AMOT: variants seen among roughly 807,000 people sequenced by gnomAD.
The protein encoded by AMOT is angiomotin.
AMOT carries 11 observed loss-of-function variants against 67.0 expected under a neutral mutation model. That is an observed-to-expected ratio of 0.16 (90% confidence interval 0.10 to 0.27). AMOT has a LOEUF of 0.27. Among genes scored for constraint, AMOT ranks in the 10% least tolerant of loss-of-function variants. The pLI, the probability that AMOT is intolerant of heterozygous loss-of-function variation, is 1.00. For synonymous variants in AMOT, 326 were observed against 321.4 expected, an observed-to-expected ratio of 1.01 and a Z score of -0.15; for missense variants, 753 against 852.0, an observed-to-expected ratio of 0.88 and a Z score of 1.45.
intron 10 of AMOT, among the ~76,000 whole-genome samples, chrX:112,788,012 G>A (rs1056134642): frequency 1.3e-4 from 14 of 111,324 alleles, no homozygotes; most frequent in African/African-American, 4.3e-4. Context: ...TTTTGAGGGC[G>A]GGCGTGGTGG....
chrX:112,792,250 T>C (rs1324155884), intron 8 of AMOT, among the ~76,000 whole-genome samples: 1 of 112,485 alleles, frequency 8.9e-6, no homozygotes, highest in African/African-American at 3.2e-5. Context: ...TCTACTCTTA[T>C]CAGTACCATC....
At chrX:112,788,339 C>A (rs138972778) in intron 10 of AMOT, among the ~76,000 whole-genome samples, 1 of 109,308 alleles carries the variant, frequency 9.1e-6, no homozygotes, top group African/African-American at 3.3e-5. Context: ...AAACTTTTAC[C>A]ATGGAAAGGG....
intron 10 of AMOT, among the ~76,000 whole-genome samples, chrX:112,786,811 A>G (rs1933375562): frequency 8.9e-6 from 1 of 112,502 alleles, no homozygotes; most frequent in Non-Finnish European, 1.9e-5. Flanking sequence ...AATGAAAGAA[A>G]TAAATTTCCT....
At chrX:112,796,032 T>TAAA (rs1933801008) in intron 8 of AMOT, among the ~76,000 whole-genome samples, 2 of 97,336 alleles carry the variant, frequency 2.1e-5, no homozygotes, top group African/African-American at 9.7e-5. Flanking sequence ...TTTCAGAAGT[T>TAAA]TAAAAAAAAA....
chrX:112,816,014 A>G (rs767376293), intron 4 of AMOT, 137 bp from the exon 5 acceptor site: 13 of 921,513 alleles, frequency 1.4e-5, no homozygotes, highest in Non-Finnish European at 1.7e-5. Flanking sequence ...GGGTCTGACT[A>G]TGGGGAAGTC....
intron 1 of AMOT, among the ~76,000 whole-genome samples, chrX:112,837,770 CA>C (rs1209346649): frequency 1.8e-5 from 2 of 111,815 alleles, no homozygotes; most frequent in Non-Finnish European, 3.8e-5. Flanking sequence ...CATAGTAAAA[CA>C]CCAACAAAAA....
At chrX:112,821,305 G>A (rs1220545995) in intron 4 of AMOT, among the ~76,000 whole-genome samples, 1 of 111,360 alleles carries the variant, frequency 9.0e-6, no homozygotes, top group African/African-American at 3.3e-5. Flanking sequence ...TCATGGCCAT[G>A]AGGCAGGATA....
At position 112,777,153 on chromosome X, in the gene AMOT, T is replaced by C. The variant is rs1932960670; in HGVS notation, c.*1414A>G. 9.3e-6 allele frequency: 1 copy of C among 107,058 alleles called. No homozygotes were observed. Among genetic ancestry groups the C allele is most frequent in the African/African-American group, 3.4e-5 (1 of 29,270 alleles). The allele number at this position is 107,058 out of a possible 1,213,427, so 8.8% of individuals were successfully genotyped here. A position where few individuals can be genotyped will look rare whatever the true frequency, so the allele number is the denominator to read the frequency against. ...CAACCCTTACCTAACACCCCCCACT[T>C]CCCTCACCCTCCCTATACCCCTTAA... On this transcript the variant is annotated 3_prime_UTR_variant, in exon 14 of 14. Coordinates refer to ENST00000371959, the MANE Select transcript of AMOT (RefSeq NM_001113490.2).
At position 112,815,544 on chromosome X, in the gene AMOT, C is replaced by T. The variant is rs753999532; in HGVS notation, c.1206G>A (p.Gln402=). The T allele has an allele frequency of 1.5e-5, 18 of 1,211,657 alleles. No individual in the cohort carries two copies. Among genetic ancestry groups the T allele is most frequent in the Non-Finnish European group, 2.0e-5 (18 of 895,457 alleles). ...GCATAGCTGAATAGGCTTCTCCTGG[C>T]TGCTGCTGTGGCTGCTGCTGCTGCT... is the stretch of plus-strand genomic sequence containing the variant. The part of the protein sequence containing the change: ...QQQQQQQPQQ[Q]PGEAYSAMPR... The change falls in exon 5 of 14, where the codon CAG becomes CAA. Residue 402 remains glutamine (Q), a synonymous_variant. Transcript: ENST00000371959.
chrX:112,781,269 G>A, intron 11 of AMOT, 151 bp from the exon 12 acceptor site: 1 of 492,203 alleles, frequency 2.0e-6, no homozygotes, highest in South Asian at 3.5e-5. Context: ...GTGAAACCCT[G>A]TCTCTACTAA....
chrX:112,833,639 T>G (rs1238173139), intron 1 of AMOT, among the ~76,000 whole-genome samples: 1 of 112,311 alleles, frequency 8.9e-6, no homozygotes, highest in Non-Finnish European at 1.9e-5. Context: ...ATAAAATGGT[T>G]TGTTGTCATT....
chrX:112,784,204 C>T (rs1009651771), intron 10 of AMOT, among the ~76,000 whole-genome samples: 2 of 111,715 alleles, frequency 1.8e-5, no homozygotes, highest in Admixed American at 9.5e-5. Context: ...TACTGGGTAC[C>T]CAAGAAGAAG....
At chrX:112,795,154 A>G (rs1933756483) in intron 8 of AMOT, among the ~76,000 whole-genome samples, 1 of 111,254 alleles carries the variant, frequency 9.0e-6, no homozygotes, top group Admixed American at 9.5e-5. Context: ...ACCTAATATA[A>G]AAAGTACTAT....
At chrX:112,821,207 G>A (rs188783411) in intron 4 of AMOT, among the ~76,000 whole-genome samples, 2 of 111,183 alleles carry the variant, frequency 1.8e-5, no homozygotes, top group African/African-American at 3.3e-5. Context: ...GACATCAAAG[G>A]ACATCACAGA....
intron 12 of AMOT, chrX:112,780,546 A>G (rs1933117036): frequency 3.5e-6 from 1 of 285,864 alleles, no homozygotes; most frequent in African/African-American, 2.6e-5. Context: ...CACAAAGGCC[A>G]CATGGGCTTT....
In AMOT at chrX:112,827,585, C is replaced by T. The variant is rs73544282; in HGVS notation, c.-211-2365G>A. The stretch of plus-strand genomic sequence containing the variant: ...TTTGATAGGAAAAAAAGAATAATTG[C>T]GGTTCTGTCTTTAAAAATGCAATTT... On this transcript the variant is annotated intron_variant, in intron 2 of 13. Coordinates refer to ENST00000371959, the MANE Select transcript of AMOT (RefSeq NM_001113490.2). Among the ~76,000 whole-genome samples, 289 of 111,857 alleles carry T rather than the reference C, an allele frequency of 2.6e-3. 1 individual carries two copies. The highest frequency in any genetic ancestry group is 8.9e-3 in the African/African-American group (273 of 30,746).
In AMOT at chrX:112,777,072, G is replaced by A. The variant is rs1408730251; in HGVS notation, c.*1495C>T. The A allele has an allele frequency of 3.6e-5, 4 of 110,812 alleles. No homozygotes were observed. In the East Asian group the frequency reaches 8.5e-4, roughly 24 times the overall value. The allele number at this position is 110,812 out of a possible 1,213,427, so 9.1% of individuals were successfully genotyped here. A position where few individuals can be genotyped will look rare whatever the true frequency, so the allele number is the denominator to read the frequency against. On this transcript the variant is annotated 3_prime_UTR_variant, in exon 14 of 14. Coordinates refer to ENST00000371959, the MANE Select transcript of AMOT (RefSeq NM_001113490.2). ...CTATGGCTCATGATGTAATATATCA[G>A]GCCTACTCTTCTATTAATCTGGTTT... is the stretch of plus-strand genomic sequence containing the variant.
intron 4 of AMOT, chrX:112,819,318 T>G: frequency 1.3e-6 from 1 of 750,193 alleles, no homozygotes; most frequent in Non-Finnish European, 1.6e-6. Context: ...ACTTGATTGA[T>G]CCTCACCACA....
chrX:112,805,259 CTTG>C (rs1482612598), intron 7 of AMOT, among the ~76,000 whole-genome samples, 167 bp from the exon 8 acceptor site: 2 of 110,586 alleles, frequency 1.8e-5, no homozygotes, highest in African/African-American at 3.3e-5. Context: ...CTCTCACTAA[CTTG>C]TTGTAGAAAT....
Sources: gnomAD v4.1 joint callset for allele counts (sites outside exome capture counted in the v4.1 genomes callset) on GRCh38, gnomAD v4.1.1 for gene constraint, MANE v1.5 for transcripts, NCBI Gene and HGNC (gene_info 2026-07-23, HGNC 2026-07-21) for gene names.